Variants in NDUFA13 observed in about 807,000 individuals in gnomAD.
NDUFA13 encodes NADH:ubiquinone oxidoreductase subunit A13.
In NDUFA13, 16 loss-of-function variants were observed where a neutral mutation model predicts 17.0. The observed-to-expected ratio is 0.94, with a 90% confidence interval of 0.64 to 1.43. The LOEUF is 1.43. Among genes scored for constraint, NDUFA13 ranks in the 40% most tolerant of loss-of-function variants. The probability of loss-of-function intolerance (pLI) is 0.00; values close to 1 mark genes in which losing one functional copy is unlikely to be tolerated. For synonymous variants in NDUFA13, 87 were observed against 78.4 expected (o/e 1.11, Z -0.58); for missense variants, 228 against 206.7 (o/e 1.10, Z -0.63).
intron 1 of NDUFA13, among the ~76,000 whole-genome samples, chr19:19,525,786 C>T (rs566651521): frequency 6.6e-6 from 1 of 152,284 alleles, no homozygotes; most frequent in African/African-American, 2.4e-5. Context: ...GCAGCCCCCA[C>T]AGGGCACTGC....
chr19:19,527,345 G>T lies in NDUFA13; in HGVS notation c.238G>T (p.Asp80Tyr). The T allele has an allele frequency of 6.2e-7, 1 of 1,613,780 alleles. No individual in the cohort carries two copies. The highest frequency in any genetic ancestry group is 1.1e-5 in the South Asian group (1 of 91,038). The change falls in exon 3 of 5, where the codon GAC becomes TAC. Residue 80 changes from aspartate to tyrosine, a missense_variant. Coordinates refer to ENST00000507754, the MANE Select transcript of NDUFA13 (RefSeq NM_015965.7). ...ALLPLLQAET[D>Y]RRTLQMLREN... ...GTTGCCACTGTTACAGGCAGAAACC[G>T]ACCGGAGGTAGCACCGCAGGGGCCA...
intron 1 of NDUFA13, among the ~76,000 whole-genome samples, chr19:19,517,981 C>CA (rs1013300963): frequency 6.6e-6 from 1 of 151,722 alleles, no homozygotes; most frequent in Non-Finnish European, 1.5e-5. Context: ...GGGGGCTCTA[C>CA]AAAAACAGAT....
chr19:19,527,663 C>A, intron 3 of NDUFA13, 38 bp from the exon 4 acceptor site: 1 of 1,522,640 alleles, frequency 6.6e-7, no homozygotes, highest in East Asian at 2.5e-5. Flanking sequence ...CCTCAGGGCA[C>A]TGAGGCCCCA....
intron 2 of NDUFA13, 35 bp from the exon 3 acceptor site, chr19:19,527,246 G>T (rs879174328): frequency 6.2e-7 from 1 of 1,613,018 alleles, no homozygotes; most frequent in South Asian, 1.1e-5. Flanking sequence ...GACCTAGCCT[G>T]GTCTGACCTG....
At chr19:19,521,040 A>T (rs372286441) in intron 1 of NDUFA13, among the ~76,000 whole-genome samples, 1 of 152,330 alleles carries the variant, frequency 6.6e-6, no homozygotes, top group South Asian at 2.1e-4. Context: ...TTCCCTTGTG[A>T]ACTTTCCCCT....
intron 1 of NDUFA13, among the ~76,000 whole-genome samples, chr19:19,525,823 C>T (rs1251586580): frequency 6.6e-6 from 1 of 152,168 alleles, no homozygotes; most frequent in East Asian, 1.9e-4. Flanking sequence ...TGTGCAGCCC[C>T]CGCAGGGCAG....
chr19:19,518,729 ATTT>A (rs566386690), intron 1 of NDUFA13, among the ~76,000 whole-genome samples: 1 of 34,126 alleles, frequency 2.9e-5, no homozygotes, highest in South Asian at 1.7e-3. Flanking sequence ...ATGCCCTGCG[ATTT>A]TTTTTTTTTT....
In NDUFA13 at chr19:19,524,734, A is replaced by G. The variant is rs539694159; in HGVS notation, c.95-1448A>G. Among the ~76,000 whole-genome samples, 11 of 152,256 alleles carry G rather than the reference A, an allele frequency of 7.2e-5. No homozygotes were observed. The East Asian group carries it at 2.1e-3, about 29-fold the overall frequency. Reference sequence around the variant, plus strand: ...GGTGGAAGAATCGCTTGAACCCAGGAGGCAGAGGTTGCAGTGAGCCAAGAT... The same window carrying G: ...GGTGGAAGAATCGCTTGAACCCAGGGGGCAGAGGTTGCAGTGAGCCAAGAT... On this transcript the variant is annotated intron_variant, in intron 1 of 4. Coordinates refer to ENST00000507754, the MANE Select transcript of NDUFA13 (RefSeq NM_015965.7).
intron 1 of NDUFA13, among the ~76,000 whole-genome samples, chr19:19,517,157 G>T (rs1481540129): frequency 6.6e-6 from 1 of 152,084 alleles, no homozygotes; most frequent in African/African-American, 2.4e-5. Context: ...TTGAAAAAGA[G>T]AACTTAAAAG....
chr19:19,516,740 G>A (rs2061050955), intron 1 of NDUFA13, among the ~76,000 whole-genome samples: 4 of 152,206 alleles, frequency 2.6e-5, no homozygotes, highest in Admixed American at 2.6e-4. Context: ...GTTCCCTGCT[G>A]GCAGCCCCCG....
chr19:19,517,098 A>C (rs2061053125), intron 1 of NDUFA13, among the ~76,000 whole-genome samples: 1 of 151,618 alleles, frequency 6.6e-6, no homozygotes, highest in Non-Finnish European at 1.5e-5. Context: ...AAAGTTTTCA[A>C]ATGTTTAAGT....
At chr19:19,521,121 A>T (rs2061075192) in intron 1 of NDUFA13, among the ~76,000 whole-genome samples, 1 of 152,230 alleles carries the variant, frequency 6.6e-6, no homozygotes, top group Non-Finnish European at 1.5e-5. Flanking sequence ...ATTGTTTTCC[A>T]AATTGGCTGC....
Position 19,527,988 on chromosome 19 carries a change from TACCCCACTG to T in NDUFA13, c.316-18_316-10del. ...ATATGGGTGGCTGTGCCTCTACCCATACCCCACTGTCCCCACAGGTGGGGGAGTCTGTGT... is the reference window on the plus strand; with the variant it reads ...ATATGGGTGGCTGTGCCTCTACCCATTCCCCACAGGTGGGGGAGTCTGTGT... On this transcript the variant is annotated splice_polypyrimidine_tract_variant and intron_variant, in intron 4 of 4. Coordinates refer to ENST00000507754, the MANE Select transcript of NDUFA13 (RefSeq NM_015965.7). 2 of 1,612,466 alleles carry T rather than the reference TACCCCACTG, an allele frequency of 1.2e-6. No homozygotes were observed. The highest frequency in any genetic ancestry group is 1.7e-6 in the Non-Finnish European group (2 of 1,179,824).
chr19:19,527,792 A>G (rs1293738861), intron 4 of NDUFA13, 22 bp downstream of exon 4: 1 of 1,550,228 alleles, frequency 6.5e-7, no homozygotes, highest in Admixed American at 2.0e-5. Context: ...CTGGGAGGGC[A>G]GAGGTGCCAG....
At position 19,528,017 on chromosome 19, in the gene NDUFA13, CTG is replaced by C. The variant is rs1200417194; in HGVS notation, c.330_331del (p.Phe111ProfsTer?). 3 of 1,612,732 alleles carry C rather than the reference CTG, an allele frequency of 1.9e-6. No individual in the cohort carries two copies. The highest frequency in any genetic ancestry group is 2.5e-6 in the Non-Finnish European group (3 of 1,179,956). On this transcript the variant is annotated frameshift_variant, in exon 5 of 5. Transcript: ENST00000507754. LOFTEE classifies it low-confidence loss of function (END_TRUNC). The stretch of plus-strand genomic sequence containing the variant: ...CCACTGTCCCCACAGGTGGGGGAGT[CTG>C]TGTTCCACACAACCCGCTGGGTGCC...
intron 1 of NDUFA13, among the ~76,000 whole-genome samples, chr19:19,524,366 G>A (rs2061091316): frequency 6.6e-6 from 1 of 152,242 alleles, no homozygotes; most frequent in Non-Finnish European, 1.5e-5. Context: ...TGTGGGATAA[G>A]TTTTGGAATT....
Position 19,516,320 on chromosome 19 carries a change from C to G in NDUFA13, c.82C>G (p.Arg28Gly). ...PIDYKRNLPR[R>G]GLSGYSMLAI... is the part of the protein sequence containing the mutation. ...CGACTACAAACGGAACTTGCCGCGTCGAGGACTGTCGGGTCAGTATCACTC... is the reference window on the plus strand; with the variant it reads ...CGACTACAAACGGAACTTGCCGCGTGGAGGACTGTCGGGTCAGTATCACTC... The change falls in exon 1 of 5, where the codon CGA becomes GGA. Residue 28 changes from arginine to glycine, a missense_variant. Coordinates refer to ENST00000507754, the MANE Select transcript of NDUFA13 (RefSeq NM_015965.7). 2 of 1,613,492 alleles carry G rather than the reference C, an allele frequency of 1.2e-6. No homozygotes were observed. Among genetic ancestry groups the G allele is most frequent in the East Asian group, 4.5e-5 (2 of 44,872 alleles).
intron 1 of NDUFA13, among the ~76,000 whole-genome samples, chr19:19,522,496 T>TTTTTTTTTTTTTA (rs2061082473): frequency 7.0e-6 from 1 of 143,278 alleles, no homozygotes; most frequent in Non-Finnish European, 1.5e-5. Flanking sequence ...TTTTTTTTTT[T>TTTTTTTTTTTTTA]GAGATGGAGC....
chr19:19,527,469 G>T, intron 3 of NDUFA13, 117 bp downstream of exon 3: 4 of 1,278,996 alleles, frequency 3.1e-6, no homozygotes, highest in Non-Finnish European at 4.5e-6. Context: ...GCCCTGTGCC[G>T]TCAGCTGCAT....
Sources: allele counts gnomAD v4.1 joint callset (sites outside exome capture counted in the v4.1 genomes callset), GRCh38; gene constraint gnomAD v4.1.1; transcripts MANE v1.5; gene names NCBI Gene and HGNC (gene_info 2026-07-23, HGNC 2026-07-21).